The following MARCHF1 variants were observed in gnomAD, a reference collection of about 807,000 sequenced individuals.
The protein encoded by MARCHF1 is membrane associated ring-CH-type finger 1, also known as E3 ubiquitin-protein ligase MARCHF1.
In MARCHF1, 40 loss-of-function variants were observed where a neutral mutation model predicts 54.2. The ratio of observed to expected loss-of-function variants is 0.74; its 90% CI spans 0.57 to 0.96. MARCHF1 has a LOEUF of 0.96. MARCHF1 is among the 40% of genes least tolerant of loss of function. MARCHF1 has a pLI of 0.00. For missense variants in MARCHF1, 586 were observed against 656.5 expected (o/e 0.89, Z 1.17); for synonymous variants, 236 against 236.3 (o/e 1.00, Z 0.01).
At chr4:164,376,532 G>A (rs1731198361) in intron 1 of MARCHF1, among the ~76,000 whole-genome samples, 1 of 152,172 alleles carries the variant, frequency 6.6e-6, no homozygotes, top group Non-Finnish European at 1.5e-5. Flanking sequence ...AAGTGAACCA[G>A]GGAGAGAGTA....
chr4:164,289,091 G>A (rs944657557), intron 1 of MARCHF1, among the ~76,000 whole-genome samples: 7 of 151,950 alleles, frequency 4.6e-5, no homozygotes, highest in African/African-American at 1.7e-4. Flanking sequence ...CAACAAATTA[G>A]TAAGTTTCAA....
At chr4:163,985,373 A>G (rs1257634931) in intron 3 of MARCHF1, among the ~76,000 whole-genome samples, 3 of 152,138 alleles carry the variant, frequency 2.0e-5, no homozygotes, top group Admixed American at 6.5e-5. Flanking sequence ...ATAATATATT[A>G]TTTTGTGTTT....
intron 4 of MARCHF1, among the ~76,000 whole-genome samples, chr4:163,788,298 C>T (rs1388896412): frequency 6.6e-6 from 1 of 151,876 alleles, no homozygotes; most frequent in African/African-American, 2.4e-5. Context: ...AAAGATAATA[C>T]CGAGAATTCT....
intron 1 of MARCHF1, chr4:164,189,319 G>A: frequency 2.1e-6 from 1 of 481,936 alleles, no homozygotes; most frequent in Non-Finnish European, 3.5e-6. Context: ...CTTCTATGAA[G>A]GAGAAGACTT....
At chr4:163,638,850 A>G (rs1327619267) in intron 5 of MARCHF1, among the ~76,000 whole-genome samples, 1 of 152,216 alleles carries the variant, frequency 6.6e-6, no homozygotes, top group East Asian at 1.9e-4. Flanking sequence ...TAGAATATTT[A>G]TTAGTCTTAG....
At chr4:164,057,152 A>T (rs1242319787) in intron 2 of MARCHF1, among the ~76,000 whole-genome samples, 1 of 152,238 alleles carries the variant, frequency 6.6e-6, no homozygotes, top group Non-Finnish European at 1.5e-5. Context: ...AAGGAGCTTT[A>T]TATTTTCACA....
chr4:164,043,669 G>A (rs1268643504), intron 2 of MARCHF1, among the ~76,000 whole-genome samples: 1 of 152,148 alleles, frequency 6.6e-6, no homozygotes, highest in Non-Finnish European at 1.5e-5. Flanking sequence ...CAGCCAGTTT[G>A]AATTTCTCCC....
chr4:164,138,220 G>GTT (rs937879945), intron 1 of MARCHF1, among the ~76,000 whole-genome samples: 1 of 144,650 alleles, frequency 6.9e-6, no homozygotes, highest in Non-Finnish European at 1.5e-5. Context: ...CATTACCTAG[G>GTT]TTTTTTTTTT....
intron 2 of MARCHF1, among the ~76,000 whole-genome samples, chr4:163,998,062 GAA>G (rs5863650): frequency 6.6e-6 from 1 of 150,534 alleles, no homozygotes; most frequent in Non-Finnish European, 1.5e-5. Flanking sequence ...ATTTCACAGA[GAA>G]AAAAAAATTC....
intron 1 of MARCHF1, among the ~76,000 whole-genome samples, chr4:164,209,849 T>A (rs1260880619): frequency 6.6e-6 from 1 of 152,108 alleles, no homozygotes; most frequent in African/African-American, 2.4e-5. Context: ...AATTTAGATT[T>A]CATGGAAATC....
At chr4:163,755,488 C>G (rs1746638460) in intron 4 of MARCHF1, among the ~76,000 whole-genome samples, 1 of 152,140 alleles carries the variant, frequency 6.6e-6, no homozygotes, top group Admixed American at 6.6e-5. Context: ...TACCAGGGCT[C>G]TTAGTTTTCT....
chr4:163,908,996 G>A (rs1269276930), intron 3 of MARCHF1, among the ~76,000 whole-genome samples: 2 of 151,848 alleles, frequency 1.3e-5, no homozygotes, highest in Non-Finnish European at 2.9e-5. Flanking sequence ...CAGGCCAAGA[G>A]GTAAAAATAT....
chr4:163,921,012 C>T (rs78755092), intron 3 of MARCHF1, among the ~76,000 whole-genome samples: 5,695 of 152,142 alleles, frequency 0.037, 275 homozygotes, highest in East Asian at 0.19. Flanking sequence ...TTTGGAAAAA[C>T]GTACAATTTG....
intron 2 of MARCHF1, among the ~76,000 whole-genome samples, chr4:164,045,768 G>T (rs1386023791): frequency 6.7e-6 from 1 of 150,316 alleles, no homozygotes; most frequent in Non-Finnish European, 1.5e-5. Context: ...TTTTCTTCTG[G>T]CATTCTGACC....
At chr4:164,220,742 A>T (rs1732087011) in intron 1 of MARCHF1, among the ~76,000 whole-genome samples, 1 of 146,494 alleles carries the variant, frequency 6.8e-6, no homozygotes, top group Admixed American at 7.0e-5. Context: ...TATGTAATAT[A>T]TATGCTATAT....
chr4:163,996,353 G>T (rs1753075890), intron 2 of MARCHF1, among the ~76,000 whole-genome samples: 1 of 151,862 alleles, frequency 6.6e-6, no homozygotes, highest in Admixed American at 6.6e-5. Flanking sequence ...AATAATGAAA[G>T]AACTATTACT....
chr4:163,851,350 G>A (rs1188819166), intron 4 of MARCHF1, among the ~76,000 whole-genome samples: 1 of 152,162 alleles, frequency 6.6e-6, no homozygotes, highest in African/African-American at 2.4e-5. Context: ...CAGCAGGATT[G>A]TGCCTGTGAT....
chr4:164,146,454 G>A (rs1451350792), intron 1 of MARCHF1, among the ~76,000 whole-genome samples: 4 of 152,126 alleles, frequency 2.6e-5, no homozygotes, highest in Admixed American at 2.6e-4. Flanking sequence ...AAAACAGCAT[G>A]GTACTGGTAC....
At chr4:163,856,193 C>A (rs908489064) in intron 3 of MARCHF1, among the ~76,000 whole-genome samples, 4 of 152,256 alleles carry the variant, frequency 2.6e-5, no homozygotes, top group African/African-American at 7.2e-5. Context: ...TTTGGCTACA[C>A]CTGCTGAAGT....
Sources: allele counts gnomAD v4.1 joint callset (sites outside exome capture counted in the v4.1 genomes callset), GRCh38; gene constraint gnomAD v4.1.1; transcripts MANE v1.5; gene names NCBI Gene and HGNC (gene_info 2026-07-23, HGNC 2026-07-21).